The following RTTN variants were observed in gnomAD, a reference collection of about 807,000 sequenced individuals.
RTTN encodes the protein rotatin.
A neutral mutation model predicts 269.2 loss-of-function variants in RTTN; 182 were observed. The ratio of observed to expected loss-of-function variants is 0.68; its 90% confidence interval spans 0.60 to 0.76. The LOEUF (loss-of-function observed/expected upper bound fraction) is 0.76, where lower values mean the gene tolerates loss of function less well. RTTN is among the 30% of genes least tolerant of loss of function. The pLI, the probability that RTTN is intolerant of heterozygous loss-of-function variation, is 0.00. For synonymous variants in RTTN, 1,006 were observed against 963.5 expected (o/e 1.04, Z -0.82); for missense variants, 2,545 against 2,608.6 (o/e 0.98, Z 0.53).
chr18:70,128,438 C>A lies in RTTN; in HGVS notation c.3063G>T (p.Leu1021=). 6.2e-7 allele frequency: 1 copy of A among 1,613,440 alleles called. No homozygotes were observed. The highest frequency in any genetic ancestry group is 1.1e-5 in the South Asian group (1 of 91,048). The change falls in exon 24 of 49, where the codon CTG becomes CTT. Residue 1021 remains leucine, a synonymous_variant. Transcript: ENST00000640769. ...ACCATGACAGGTTCCAAGCTATTCT[C>A]AGCATATCTGACACCGGCTTCAAGG... ...CLALKPVSDM[L]RIAWNLSWYH... is the part of the protein sequence containing the mutation.
At chr18:70,149,494 A>G (rs949172567) in intron 16 of RTTN, among the ~76,000 whole-genome samples, 5 of 151,754 alleles carry the variant, frequency 3.3e-5, no homozygotes, top group Non-Finnish European at 7.4e-5. Context: ...TTTCATCCAA[A>G]AGAGACAGGA....
At chr18:70,042,477 AC>A (rs1261142556) in intron 40 of RTTN, among the ~76,000 whole-genome samples, 1 of 143,324 alleles carries the variant, frequency 7.0e-6, no homozygotes, top group African/African-American at 2.6e-5. Flanking sequence ...CCGGGTTCAC[AC>A]CATTCTCCTG....
intron 27 of RTTN, among the ~76,000 whole-genome samples, chr18:70,110,214 T>G (rs1034550088): frequency 3.4e-5 from 5 of 146,552 alleles, no homozygotes; most frequent in Admixed American, 2.8e-4. Flanking sequence ...CGGGGTGACA[T>G]AGTGAGACCC....
At chr18:70,015,732 G>A (rs1224156921) in intron 46 of RTTN, among the ~76,000 whole-genome samples, 1 of 152,088 alleles carries the variant, frequency 6.6e-6, no homozygotes, top group Non-Finnish European at 1.5e-5. Context: ...TAATTCTAGA[G>A]GGGTCTAGAA....
chr18:70,200,918 T>C (rs2061928529), intron 4 of RTTN, among the ~76,000 whole-genome samples: 1 of 152,234 alleles, frequency 6.6e-6, no homozygotes, highest in Non-Finnish European at 1.5e-5. Context: ...GAGTGCCTAA[T>C]ACATTTTTTG....
chr18:70,072,411 T>C (rs1300855718), intron 34 of RTTN, among the ~76,000 whole-genome samples: 2 of 152,152 alleles, frequency 1.3e-5, no homozygotes, highest in Non-Finnish European at 2.9e-5. Context: ...ACCTTCACTT[T>C]AATTGGGGTG....
intron 32 of RTTN, among the ~76,000 whole-genome samples, chr18:70,080,899 A>G (rs1599430245): frequency 6.6e-6 from 1 of 150,988 alleles, no homozygotes; most frequent in Non-Finnish European, 1.5e-5. Context: ...CCCATCCACC[A>G]ATGAGTGGAT....
chr18:70,117,139 T>C (rs2059621894), intron 26 of RTTN, among the ~76,000 whole-genome samples: 1 of 152,094 alleles, frequency 6.6e-6, no homozygotes, highest in South Asian at 2.1e-4. Context: ...TGATTTTTCT[T>C]TTCACTTCCT....
intron 35 of RTTN, among the ~76,000 whole-genome samples, chr18:70,064,377 T>C (rs371575394): frequency 2.0e-5 from 2 of 101,590 alleles, no homozygotes; most frequent in South Asian, 6.4e-4. Flanking sequence ...TACTTGAAAA[T>C]AAAATAAATT....
chr18:70,028,481 T>A (rs1411156845), intron 43 of RTTN, among the ~76,000 whole-genome samples: 2 of 152,138 alleles, frequency 1.3e-5, no homozygotes, highest in African/African-American at 4.8e-5. Flanking sequence ...TGTAAAACAT[T>A]TAAAATACCT....
At chr18:70,166,892 T>A (rs368001007) in intron 13 of RTTN, 27 bp downstream of exon 13, 5 of 1,458,826 alleles carry the variant, frequency 3.4e-6, no homozygotes, top group Non-Finnish European at 4.8e-6. Context: ...AATAATAACG[T>A]AATCACATTA....
intron 45 of RTTN, among the ~76,000 whole-genome samples, chr18:70,020,256 A>T (rs1456895736): frequency 2.6e-5 from 4 of 152,182 alleles, no homozygotes; most frequent in Admixed American, 2.0e-4. Flanking sequence ...ATTAAACTGA[A>T]ATTGTTACTG....
At chr18:70,073,519 C>T (rs542965608) in intron 34 of RTTN, among the ~76,000 whole-genome samples, 23 of 152,072 alleles carry the variant, frequency 1.5e-4, no homozygotes, top group Admixed American at 5.9e-4. Context: ...CTAATACTAA[C>T]GAAAAACATA....
At chr18:70,168,772 A>C (rs2061058341) in intron 12 of RTTN, 83 bp downstream of exon 12, 4 of 994,806 alleles carry the variant, frequency 4.0e-6, no homozygotes, top group Admixed American at 4.6e-5. Context: ...ATTTAATTAT[A>C]TGTCCATCAA....
intron 45 of RTTN, 116 bp downstream of exon 45, chr18:70,020,499 T>C (rs995480907): frequency 2.9e-6 from 3 of 1,050,732 alleles, no homozygotes; most frequent in African/African-American, 3.2e-5. Flanking sequence ...TATAATCCTT[T>C]AAAATAAAAT....
chr18:70,205,554 A>G, intron 1 of RTTN, 74 bp downstream of exon 1: 1 of 1,590,394 alleles, frequency 6.3e-7, no homozygotes, highest in Non-Finnish European at 8.6e-7. Flanking sequence ...GGCCGCGGAA[A>G]CGTGACACGA....
At chr18:70,015,302 A>C (rs761782760) in intron 46 of RTTN, among the ~76,000 whole-genome samples, 8 of 152,050 alleles carry the variant, frequency 5.3e-5, no homozygotes, top group Non-Finnish European at 7.4e-5. Flanking sequence ...ACCTCAAATG[A>C]TCCACCCACC....
chr18:70,121,686 AG>A lies in RTTN; in HGVS notation c.3397del (p.Leu1133PhefsTer11). 6.4e-7 allele frequency: 1 copy of A among 1,553,806 alleles called. No homozygotes were observed. The highest frequency in any genetic ancestry group is 1.2e-5 in the South Asian group (1 of 81,636). ...TTTCTCATCTTCAGTGCAAGCAGGA[AG>A]CACCTGTAAAAACCTATAATGAAAA... Reference protein sequence around the residue: ...HTALNRFLQVLPACTEDEKLL... With the variant: ...HTALNRFLQVXPACTEDEKLL... On this transcript the variant is annotated frameshift_variant, in exon 26 of 49. Coordinates refer to ENST00000640769, the MANE Select transcript of RTTN (RefSeq NM_173630.4). LOFTEE classifies it high-confidence loss of function.
intron 39 of RTTN, among the ~76,000 whole-genome samples, chr18:70,048,733 T>C (rs1369547890): frequency 6.6e-6 from 1 of 152,136 alleles, no homozygotes; most frequent in Non-Finnish European, 1.5e-5. Flanking sequence ...TTCATGAGAA[T>C]TATGTTCATT....
Sources: allele counts gnomAD v4.1 joint callset (sites outside exome capture counted in the v4.1 genomes callset), GRCh38; gene constraint gnomAD v4.1.1; transcripts MANE v1.5; gene names NCBI Gene and HGNC (gene_info 2026-07-23, HGNC 2026-07-21).